CNTNAP2: variants seen among roughly 807,000 people sequenced by gnomAD.
The protein encoded by CNTNAP2 is contactin-associated protein-like 2.
Under a neutral mutation model 155.2 loss-of-function variants are expected in CNTNAP2, and 98 were observed. That is an observed-to-expected ratio of 0.63 (90% CI 0.54 to 0.75). The LOEUF (loss-of-function observed/expected upper bound fraction) is 0.75. Among genes scored for constraint, CNTNAP2 ranks in the 30% least tolerant of loss-of-function variants. CNTNAP2 has a pLI of 0.00. For synonymous variants in CNTNAP2, 651 were observed against 631.2 expected, an observed-to-expected ratio of 1.03 and a Z score of -0.47; for missense variants, 1,727 against 1,688.1, an observed-to-expected ratio of 1.02 and a Z score of -0.40.
chr7:146,843,105 C>T (rs1461073789), intron 3 of CNTNAP2, among the ~76,000 whole-genome samples: 2 of 118,408 alleles, frequency 1.7e-5, no homozygotes, highest in African/African-American at 3.7e-5. Flanking sequence ...CTCCGCTTCC[C>T]AGGTTCACGC....
chr7:147,460,025 G>A (rs1797992654), intron 10 of CNTNAP2, among the ~76,000 whole-genome samples: 2 of 152,090 alleles, frequency 1.3e-5, no homozygotes, highest in Non-Finnish European at 2.9e-5. Flanking sequence ...ATAGCATTAG[G>A]AGAAATACCT....
chr7:148,090,315 A>C (rs967570179), intron 15 of CNTNAP2, among the ~76,000 whole-genome samples: 8 of 152,134 alleles, frequency 5.3e-5, no homozygotes, highest in African/African-American at 1.9e-4. Context: ...CAGACTGAAG[A>C]GACAACCTAT....
At chr7:147,417,326 T>C (rs1451132987) in intron 10 of CNTNAP2, among the ~76,000 whole-genome samples, 1 of 152,204 alleles carries the variant, frequency 6.6e-6, no homozygotes, top group Non-Finnish European at 1.5e-5. Flanking sequence ...CTGGCAGATC[T>C]GGCATCTGGT....
chr7:147,807,339 A>C (rs1197992037), intron 13 of CNTNAP2, among the ~76,000 whole-genome samples: 1 of 150,732 alleles, frequency 6.6e-6, no homozygotes, highest in African/African-American at 2.4e-5. Flanking sequence ...AAAAAAAAAA[A>C]AAAAAACGAA....
intron 3 of CNTNAP2, among the ~76,000 whole-genome samples, chr7:147,010,458 G>T (rs1264503461): frequency 1.3e-5 from 2 of 151,680 alleles, no homozygotes; most frequent in African/African-American, 4.9e-5. Context: ...AACAAGACAC[G>T]TATATATGAA....
At chr7:148,008,043 A>G (rs902831449) in intron 15 of CNTNAP2, among the ~76,000 whole-genome samples, 1 of 152,092 alleles carries the variant, frequency 6.6e-6, no homozygotes, top group Non-Finnish European at 1.5e-5. Flanking sequence ...CTGGGTAGGT[A>G]GAATCTAATC....
intron 21 of CNTNAP2, among the ~76,000 whole-genome samples, chr7:148,288,661 T>A (rs1433935423): frequency 6.6e-6 from 1 of 152,176 alleles, no homozygotes; most frequent in Non-Finnish European, 1.5e-5. Flanking sequence ...ATATATTACC[T>A]AATAATTTTT....
intron 1 of CNTNAP2, among the ~76,000 whole-genome samples, chr7:146,235,120 A>G (rs1799450067): frequency 6.6e-6 from 1 of 152,212 alleles, no homozygotes; most frequent in Admixed American, 6.5e-5. Context: ...AAATGGCTGT[A>G]CATAGAAAAT....
intron 21 of CNTNAP2, among the ~76,000 whole-genome samples, chr7:148,338,953 G>A (rs553260642): frequency 1.3e-5 from 2 of 152,294 alleles, no homozygotes; most frequent in South Asian, 2.1e-4. Context: ...GTAGAACCCC[G>A]ACAGGAAAAT....
chr7:147,343,205 C>T (rs1795793873), intron 9 of CNTNAP2, among the ~76,000 whole-genome samples: 1 of 152,006 alleles, frequency 6.6e-6, no homozygotes, highest in Admixed American at 6.6e-5. Flanking sequence ...TTCTTTGCTG[C>T]TGTTATTCGT....
chr7:147,015,315 T>C (rs575208424), intron 3 of CNTNAP2, among the ~76,000 whole-genome samples: 262 of 152,236 alleles, frequency 1.7e-3, no homozygotes, highest in Non-Finnish European at 3.1e-3. Flanking sequence ...TGTGATAATA[T>C]AAAGTTCTTA....
chr7:146,847,336 A>T (rs972052942), intron 3 of CNTNAP2, among the ~76,000 whole-genome samples: 7 of 152,222 alleles, frequency 4.6e-5, no homozygotes, highest in Admixed American at 4.6e-4. Context: ...TCTATGTTAC[A>T]CTCTGGAATC....
rs538601606 is a variant in CNTNAP2 at position 147,800,050 on chromosome 7, T to C, written c.2099-103515T>C. ...AATTCTTCACACAATAAATATATAG[T>C]ATGTGTCAAAATTAAATAAGATAAT... On this transcript the variant is annotated intron_variant, in intron 13 of 23. Transcript: ENST00000361727. 3.3e-5 allele frequency among the ~76,000 whole-genome samples: 5 copies of C among 152,302 alleles called. 1 individual carries two copies. The South Asian group carries it at 1.0e-3, about 32-fold the overall frequency.
intron 1 of CNTNAP2, among the ~76,000 whole-genome samples, chr7:146,315,333 G>A (rs936469118): frequency 1.3e-5 from 2 of 152,178 alleles, no homozygotes; most frequent in Admixed American, 1.3e-4. Context: ...CCCCCTTGCA[G>A]TGATGGTAAA....
chr7:147,808,212 A>C (rs1798124233), intron 13 of CNTNAP2, among the ~76,000 whole-genome samples: 1 of 152,052 alleles, frequency 6.6e-6, no homozygotes, highest in South Asian at 2.1e-4. Flanking sequence ...ACCTCTTTGC[A>C]ATTTGTTAGC....
At chr7:146,862,714 C>G (rs1795127670) in intron 3 of CNTNAP2, among the ~76,000 whole-genome samples, 2 of 152,136 alleles carry the variant, frequency 1.3e-5, no homozygotes, top group Admixed American at 1.3e-4. Context: ...TTTTCTTAAA[C>G]TAAACTTGGC....
intron 12 of CNTNAP2, among the ~76,000 whole-genome samples, chr7:147,571,216 C>A (rs1264555463): frequency 1.3e-5 from 2 of 149,908 alleles, no homozygotes; most frequent in African/African-American, 4.9e-5. Context: ...GTGTGCTGCA[C>A]CCATTAACTC....
chr7:147,387,662 G>A (rs1315464045), intron 9 of CNTNAP2, among the ~76,000 whole-genome samples: 1 of 151,960 alleles, frequency 6.6e-6, no homozygotes, highest in East Asian at 1.9e-4. Context: ...TCAATAATGG[G>A]GATTGGGGTA....
intron 1 of CNTNAP2, among the ~76,000 whole-genome samples, chr7:146,555,062 T>C (rs777138492): frequency 2.0e-5 from 3 of 152,164 alleles, no homozygotes; most frequent in Admixed American, 6.5e-5. Context: ...TTACTACAGG[T>C]TTCTTACTCT....
Sources: allele counts gnomAD v4.1 joint callset (sites outside exome capture counted in the v4.1 genomes callset), GRCh38; gene constraint gnomAD v4.1.1; transcripts MANE v1.5; gene names NCBI Gene and HGNC (gene_info 2026-07-23, HGNC 2026-07-21).